Variants in AFAP1 observed in about 807,000 individuals in gnomAD.
The protein encoded by AFAP1 is actin filament associated protein 1, also known as actin filament-associated protein 1.
A neutral mutation model predicts 93.9 loss-of-function variants in AFAP1; 75 were observed. The observed-to-expected ratio is 0.80, with a 90% CI of 0.66 to 0.97. AFAP1 has a LOEUF of 0.97. Ranked by LOEUF, AFAP1 falls within the 50% of genes least tolerant of loss-of-function variation. AFAP1 has a pLI of 0.00. For synonymous variants in AFAP1, 517 were observed against 430.7 expected (o/e 1.20, Z -2.48); for missense variants, 1,201 against 1,050.8 (o/e 1.14, Z -1.98).
At chr4:7,796,917 C>A (rs772282634) in intron 10 of AFAP1, among the ~76,000 whole-genome samples, 1 of 151,216 alleles carries the variant, frequency 6.6e-6, no homozygotes, top group Non-Finnish European at 1.5e-5. Context: ...AAAAAATTAG[C>A]CAGGTGTGGT....
intron 4 of AFAP1, among the ~76,000 whole-genome samples, chr4:7,848,129 G>GGAAGGAAGGAAGGAAGGAAGGA (rs1560197086): frequency 9.4e-5 from 6 of 63,552 alleles, no homozygotes; most frequent in African/African-American, 6.7e-4. Context: ...GGAAGGAAGG[G>GGAAGGAAGGAAGGAAGGAAGGA]AGTGAGTGAG....
chr4:7,927,394 G>C (rs1051950109), intron 1 of AFAP1, among the ~76,000 whole-genome samples: 14 of 152,174 alleles, frequency 9.2e-5, no homozygotes, highest in African/African-American at 3.4e-4. Context: ...CAGTTTCTTC[G>C]CTGTAAAAGG....
chr4:7,917,504 T>C (rs1393174735), intron 1 of AFAP1, among the ~76,000 whole-genome samples: 1 of 152,172 alleles, frequency 6.6e-6, no homozygotes, highest in Non-Finnish European at 1.5e-5. Flanking sequence ...TTAATGAGCA[T>C]CTATTGCTTT....
At chr4:7,788,027 G>A (rs1385529706) in intron 11 of AFAP1, among the ~76,000 whole-genome samples, 2 of 152,188 alleles carry the variant, frequency 1.3e-5, no homozygotes, top group Non-Finnish European at 2.9e-5. Flanking sequence ...CAGGGCAACC[G>A]CCCTGCATCT....
chr4:7,774,169 C>G (rs905728768), intron 15 of AFAP1: 1 of 152,840 alleles, frequency 6.5e-6, no homozygotes, highest in African/African-American at 2.4e-5. Context: ...GGCTGCCACT[C>G]TGGCTGCAAA....
At chr4:7,790,457 T>C (rs1239811323) in intron 11 of AFAP1, among the ~76,000 whole-genome samples, 1 of 152,246 alleles carries the variant, frequency 6.6e-6, no homozygotes, top group Non-Finnish European at 1.5e-5. Context: ...AGCTGTATTC[T>C]AGGGCAACGA....
chr4:7,798,459 ACGG>A (rs1244940809), intron 10 of AFAP1, among the ~76,000 whole-genome samples: 4 of 110,644 alleles, frequency 3.6e-5, no homozygotes, highest in African/African-American at 1.0e-4. Flanking sequence ...TGGCTGGCTC[ACGG>A]CATTGCAACT....
At chr4:7,922,830 T>A (rs1484926001) in intron 1 of AFAP1, among the ~76,000 whole-genome samples, 1 of 152,004 alleles carries the variant, frequency 6.6e-6, no homozygotes, top group Non-Finnish European at 1.5e-5. Flanking sequence ...CAAAAAAATT[T>A]AAAAATTAGC....
At chr4:7,837,914 T>G (rs1712506173) in intron 6 of AFAP1, among the ~76,000 whole-genome samples, 1 of 152,078 alleles carries the variant, frequency 6.6e-6, no homozygotes, top group Non-Finnish European at 1.5e-5. Context: ...CTTGGGAGGC[T>G]GAGGTGGGAG....
At position 7,855,419 on chromosome 4, in the gene AFAP1, C is replaced by A. The variant is rs760442528; in HGVS notation, c.334+47G>T. ...GAAAGGGGACAGGCTCTGCAACAGT[C>A]CTGCCAATCACAAAGGCAGCATGGC... On this transcript the variant is annotated intron_variant, in intron 4 of 17. Coordinates refer to ENST00000420658, the MANE Select transcript of AFAP1 (RefSeq NM_001134647.2). 1.3e-5 allele frequency: 18 copies of A among 1,429,964 alleles called. No individual in the cohort carries two copies. The South Asian group carries it at 1.8e-4, about 14-fold the overall frequency. 88.6% of individuals were successfully genotyped at this position (1,429,964 alleles called of 1,614,324 possible).
chr4:7,894,247 T>C (rs1718639871), intron 1 of AFAP1, among the ~76,000 whole-genome samples: 1 of 152,138 alleles, frequency 6.6e-6, no homozygotes, highest in Admixed American at 6.5e-5. Flanking sequence ...GTCCATTCAT[T>C]TATGTATCAC....
At chr4:7,771,588 G>A (rs577667081) in intron 16 of AFAP1, among the ~76,000 whole-genome samples, 25 of 152,338 alleles carry the variant, frequency 1.6e-4, no homozygotes, top group African/African-American at 6.0e-4. Flanking sequence ...GGTGGGCACT[G>A]TGCCAAAAGC....
chr4:7,925,996 A>G (rs971706214), intron 1 of AFAP1, among the ~76,000 whole-genome samples: 23 of 152,208 alleles, frequency 1.5e-4, no homozygotes, highest in African/African-American at 5.1e-4. Flanking sequence ...GCTGACAAAT[A>G]TTAGCTGCCC....
intron 1 of AFAP1, among the ~76,000 whole-genome samples, chr4:7,873,341 CCTTT>C (rs1560213993): frequency 2.0e-5 from 2 of 101,534 alleles, no homozygotes; most frequent in African/African-American, 3.7e-5. Flanking sequence ...TGAAGACACA[CCTTT>C]TTTTTTTTTT....
chr4:7,775,827 T>C (rs1716056048), intron 14 of AFAP1: 1 of 152,186 alleles, frequency 6.6e-6, no homozygotes, highest in South Asian at 2.1e-4. Flanking sequence ...TAAATATTTA[T>C]AAAGCACTTA....
chr4:7,818,044 G>A (rs951041665), intron 7 of AFAP1, among the ~76,000 whole-genome samples: 14 of 152,092 alleles, frequency 9.2e-5, no homozygotes, highest in African/African-American at 1.2e-4. Context: ...TTAATTTCAC[G>A]TGTCAATGTG....
intron 1 of AFAP1, among the ~76,000 whole-genome samples, chr4:7,890,004 TAAAA>T (rs543991662): frequency 3.0e-5 from 3 of 100,340 alleles, no homozygotes; most frequent in Non-Finnish European, 5.7e-5. Context: ...CAATTTTTGT[TAAAA>T]AAAAAAAAAA....
chr4:7,758,963 C>T lies in AFAP1; in HGVS notation c.*4802G>A, dbSNP rs1713389917. The T allele has an allele frequency of 1.3e-5, 2 of 152,270 alleles. No individual in the cohort carries two copies. The highest frequency in any genetic ancestry group is 4.8e-5 in the African/African-American group (2 of 41,422). 9.4% of individuals were successfully genotyped at this position (152,270 alleles called of 1,614,324 possible). On this transcript the variant is annotated 3_prime_UTR_variant, in exon 18 of 18. Coordinates refer to ENST00000420658, the MANE Select transcript of AFAP1 (RefSeq NM_001134647.2). ...TTACAGTCATTTGAAGTGGGCACTA[C>T]TAACATATTTAATTTAAAAAAATCT...
intron 7 of AFAP1, 59 bp from the exon 8 acceptor site, chr4:7,816,158 T>C: frequency 7.0e-7 from 1 of 1,423,498 alleles, no homozygotes; most frequent in Non-Finnish European, 9.7e-7. Context: ...CAGTGATGTG[T>C]GATGGATCAA....
Sources: gnomAD v4.1 joint callset for allele counts (sites outside exome capture counted in the v4.1 genomes callset) on GRCh38, gnomAD v4.1.1 for gene constraint, MANE v1.5 for transcripts, NCBI Gene and HGNC (gene_info 2026-07-23, HGNC 2026-07-21) for gene names.